The following CYTH4 variants were observed in gnomAD, a reference collection of about 807,000 sequenced individuals.
CYTH4 encodes the protein cytohesin 4, also known as cytohesin-4.
Under a neutral mutation model 57.5 loss-of-function variants are expected in CYTH4, and 22 were observed. The observed-to-expected ratio is 0.38, with a 90% CI of 0.27 to 0.55. The LOEUF (loss-of-function observed/expected upper bound fraction) is 0.55. Ranked by LOEUF, CYTH4 falls within the 20% of genes least tolerant of loss-of-function variation. The pLI, the probability that CYTH4 is intolerant of heterozygous loss-of-function variation, is 0.74. For missense variants in CYTH4, 420 were observed against 535.6 expected (o/e 0.78, Z 2.13); for synonymous variants, 186 against 206.5 (o/e 0.90, Z 0.85).
chr22:37,315,074 G>A lies in CYTH4; in HGVS notation c.*1563G>A, dbSNP rs1929809264. ...CATCTGAGGACATCCGCAGATTCTT[G>A]TCAGCCTGTGAACTAGGCCCTGCCT... On this transcript the variant is annotated 3_prime_UTR_variant, in exon 13 of 13. Transcript: ENST00000248901. The A allele has an allele frequency of 6.6e-6, 1 of 152,294 alleles. No homozygotes were observed. Among genetic ancestry groups the A allele is most frequent in the Non-Finnish European group, 1.5e-5 (1 of 68,108 alleles). 9.4% of individuals were successfully genotyped at this position (152,294 alleles called of 1,614,324 possible). A position where few individuals can be genotyped will look rare whatever the true frequency, so the allele number is the denominator to read the frequency against.
chr22:37,308,811 T>G (rs1048069513), intron 8 of CYTH4, among the ~76,000 whole-genome samples: 26 of 151,994 alleles, frequency 1.7e-4, no homozygotes, highest in African/African-American at 5.3e-4. Flanking sequence ...TGTGTGTGCA[T>G]GTATGTGTGA....
chr22:37,286,783 C>T (rs907442005), intron 1 of CYTH4, among the ~76,000 whole-genome samples: 11 of 151,970 alleles, frequency 7.2e-5, no homozygotes, highest in Non-Finnish European at 1.6e-4. Context: ...GTGAGAGGAG[C>T]ATGGAGGGGA....
Position 37,313,739 on chromosome 22 carries a change from T to G in CYTH4, c.*228T>G. 1.8e-6 allele frequency: 1 copy of G among 565,922 alleles called. No homozygotes were observed. The highest frequency in any genetic ancestry group is 3.2e-6 in the Non-Finnish European group (1 of 316,420). The allele number at this position is 565,922 out of a possible 1,614,324, so 35.1% of individuals were successfully genotyped here. On this transcript the variant is annotated 3_prime_UTR_variant, in exon 13 of 13. Transcript: ENST00000248901. The stretch of plus-strand genomic sequence containing the variant: ...AGGCCCCCTGGCCTGGGCACCCAGC[T>G]GCAGGCCCCTGCCCTACGTGCACTA...
intron 8 of CYTH4, among the ~76,000 whole-genome samples, chr22:37,308,848 ATG>A (rs1929523401): frequency 6.7e-6 from 1 of 148,958 alleles, no homozygotes; most frequent in Non-Finnish European, 1.5e-5. Flanking sequence ...GTGTGCCTGC[ATG>A]TGTGTGAACG....
At position 37,313,527 on chromosome 22, in the gene CYTH4, C is replaced by T. The variant is rs775526582; in HGVS notation, c.*16C>T. ...CAAGCAGTGAGATTCCTGGAGGTGG[C>T]ACTGGGGGCTGGTCACCCTGAGAGT... On this transcript the variant is annotated 3_prime_UTR_variant, in exon 13 of 13. Transcript: ENST00000248901. 1 of 1,613,442 alleles carries T rather than the reference C, an allele frequency of 6.2e-7. No homozygotes were observed. Among genetic ancestry groups the T allele is most frequent in the Non-Finnish European group, 8.5e-7 (1 of 1,179,446 alleles).
chr22:37,289,308 T>A (rs1475998608), intron 1 of CYTH4, among the ~76,000 whole-genome samples: 1 of 152,214 alleles, frequency 6.6e-6, no homozygotes, highest in Admixed American at 6.5e-5. Context: ...TATTCTGACT[T>A]CAAGAAGTCA....
At chr22:37,285,959 G>T (rs577364050) in intron 1 of CYTH4, among the ~76,000 whole-genome samples, 9 of 152,046 alleles carry the variant, frequency 5.9e-5, no homozygotes, top group Non-Finnish European at 1.3e-4. Flanking sequence ...GAGGATTCAC[G>T]AACACACTTG....
Position 37,314,068 on chromosome 22 carries a change from C to T in CYTH4, c.*557C>T, listed in dbSNP as rs375253310. On this transcript the variant is annotated 3_prime_UTR_variant, in exon 13 of 13. Transcript: ENST00000248901. Reference sequence around the variant, plus strand: ...CGGACAGGACCCCGGGACAGAACCCCGGGAGCACTGCCCTAGGAGCCCGGA... The same window carrying T: ...CGGACAGGACCCCGGGACAGAACCCTGGGAGCACTGCCCTAGGAGCCCGGA... 60 of 322,158 alleles carry T rather than the reference C, an allele frequency of 1.9e-4. No individual in the cohort carries two copies. The highest frequency in any genetic ancestry group is 2.9e-4 in the Non-Finnish European group (52 of 177,582). 20.0% of individuals were successfully genotyped at this position (322,158 alleles called of 1,614,324 possible).
chr22:37,290,670 G>A (rs973679239), intron 1 of CYTH4, among the ~76,000 whole-genome samples: 1 of 152,062 alleles, frequency 6.6e-6, no homozygotes, highest in Non-Finnish European at 1.5e-5. Flanking sequence ...CACCATGCCT[G>A]GCTAATTTTT....
chr22:37,296,933 C>T (rs763079), intron 4 of CYTH4, among the ~76,000 whole-genome samples: 1 of 152,298 alleles, frequency 6.6e-6, no homozygotes, highest in Non-Finnish European at 1.5e-5. Flanking sequence ...ACTCCTAAAA[C>T]TAGGATGACA....
chr22:37,311,870 C>G lies in CYTH4; in HGVS notation c.958-150C>G. On this transcript the variant is annotated intron_variant, in intron 11 of 12. Transcript: ENST00000248901. The surrounding 1 kb of genome is among the most constrained non-coding windows in gnomAD (Gnocchi z 4.4). Reference sequence around the variant, plus strand: ...TCAGGAGCCTGCCACAGAGAGAGTGCTCAGTGTGGGAGCAGCAGCTCCTGC... The same window carrying G: ...TCAGGAGCCTGCCACAGAGAGAGTGGTCAGTGTGGGAGCAGCAGCTCCTGC... 1 of 989,484 alleles carries G rather than the reference C, an allele frequency of 1.0e-6. No individual in the cohort carries two copies. The highest frequency in any genetic ancestry group is 1.6e-5 in the African/African-American group (1 of 61,014). The allele number at this position is 989,484 out of a possible 1,614,324, so 61.3% of individuals were successfully genotyped here.
At chr22:37,304,820 G>A (rs992123462) in intron 8 of CYTH4, among the ~76,000 whole-genome samples, 4 of 152,160 alleles carry the variant, frequency 2.6e-5, no homozygotes, top group Non-Finnish European at 5.9e-5. Context: ...TGGAGTTGAA[G>A]CCACTATCCC....
At position 37,291,249 on chromosome 22, in the gene CYTH4, G is replaced by T. The variant is rs566881950; in HGVS notation, c.20-1372G>T. 1.2e-4 allele frequency among the ~76,000 whole-genome samples: 18 copies of T among 152,324 alleles called. No homozygotes were observed. The South Asian group carries it at 3.5e-3, about 30-fold the overall frequency. On this transcript the variant is annotated intron_variant, in intron 1 of 12. Transcript: ENST00000248901. ...GATAGGTGGGCCAGGTGAACATGAT[G>T]AGTCTTCTCCACACCGCTGCCTGGG...
Position 37,311,788 on chromosome 22 carries a change from A to T in CYTH4, c.958-232A>T. 1.5e-6 allele frequency: 1 copy of T among 674,344 alleles called. No homozygotes were observed. Among genetic ancestry groups the T allele is most frequent in the Non-Finnish European group, 2.5e-6 (1 of 404,612 alleles). 41.8% of individuals were successfully genotyped at this position (674,344 alleles called of 1,614,324 possible). On this transcript the variant is annotated intron_variant, in intron 11 of 12. Coordinates refer to ENST00000248901, the MANE Select transcript of CYTH4 (RefSeq NM_013385.5). The surrounding 1 kb of genome is among the most constrained non-coding windows in gnomAD (Gnocchi z 4.4). ...GATGGCCCCGAGTAAGCTCCACTCC[A>T]TTCAGAACCTCAGTGAGCCCACATG...
In CYTH4 at chr22:37,289,416, G is replaced by T. The variant is rs1928668181; in HGVS notation, c.20-3205G>T. Among the ~76,000 whole-genome samples the T allele has an allele frequency of 2.6e-5, 4 of 152,328 alleles. No homozygotes were observed. In the South Asian group the frequency reaches 8.3e-4, roughly 32 times the overall value. On this transcript the variant is annotated intron_variant, in intron 1 of 12. Coordinates refer to ENST00000248901, the MANE Select transcript of CYTH4 (RefSeq NM_013385.5). ...ATCACTGTCTTTCCAGGACACCTTTGAGCAGGACTGTAGTTCAGTAGCTGC... is the reference window on the plus strand; with the variant it reads ...ATCACTGTCTTTCCAGGACACCTTTTAGCAGGACTGTAGTTCAGTAGCTGC...
rs554738944 is a variant in CYTH4, at chr22:37,310,030, C to G, written c.808+707C>G. 6.4e-6 allele frequency: 3 copies of G among 468,368 alleles called. No homozygotes were observed. In the Admixed American group the frequency reaches 7.1e-5, roughly 11 times the overall value. The allele number at this position is 468,368 out of a possible 1,614,324, so 29.0% of individuals were successfully genotyped here. A position where few individuals can be genotyped will look rare whatever the true frequency, so the allele number is the denominator to read the frequency against. ...CAAGCCGGGGACAGCGCCTCCAGGG[C>G]AGGTGAGGACAGATGCCTCATGTTG... On this transcript the variant is annotated intron_variant, in intron 9 of 12. Coordinates refer to ENST00000248901, the MANE Select transcript of CYTH4 (RefSeq NM_013385.5).
In CYTH4 at chr22:37,299,290, C is replaced by T; in HGVS notation, c.418C>T (p.Leu140Phe). 2.5e-6 allele frequency: 4 copies of T among 1,614,176 alleles called. No individual in the cohort carries two copies. The highest frequency in any genetic ancestry group is 1.1e-5 in the South Asian group (1 of 91,084). ...VDCHEFANLN[L>F]VQALRQFLWS... ...CTGCCACGAGTTCGCCAACCTCAAC[C>T]TCGTCCAGGCCCTCAGGTGAGTAGT... Residue 140 changes from leucine to phenylalanine, a missense_variant, in exon 6 of 13, where the codon CTC becomes TTC. Transcript: ENST00000248901.
intron 1 of CYTH4, among the ~76,000 whole-genome samples, chr22:37,286,067 T>C (rs981248341): frequency 6.6e-6 from 1 of 151,258 alleles, no homozygotes; most frequent in Non-Finnish European, 1.5e-5. Context: ...GAACCGTGCC[T>C]CAGTTTCCCC....
intron 9 of CYTH4, among the ~76,000 whole-genome samples, 167 bp downstream of exon 9, chr22:37,309,490 C>A (rs1359235114): frequency 6.6e-6 from 1 of 152,170 alleles, no homozygotes; most frequent in Admixed American, 6.5e-5. Flanking sequence ...CCCAGTGCAG[C>A]CGTCTGCCTG....
Sources: gnomAD v4.1 joint callset for allele counts (sites outside exome capture counted in the v4.1 genomes callset) on GRCh38, gnomAD v4.1.1 for gene constraint, Gnocchi (gnomAD v3.1) non-coding constraint, MANE v1.5 for transcripts, NCBI Gene and HGNC (gene_info 2026-07-23, HGNC 2026-07-21) for gene names.